Variants in GIMAP1 observed in about 807,000 individuals in gnomAD.
GIMAP1 encodes the protein GTPase IMAP family member 1.
For missense variants in GIMAP1, 423 were observed against 411.9 expected (o/e 1.03, Z -0.23); for synonymous variants, 230 against 187.7 (o/e 1.23, Z -1.84).
chr7:150,720,478 C>T lies in GIMAP1; in HGVS notation c.474C>T (p.Ala158=), dbSNP rs1585221722. 1 of 1,572,780 alleles carries T rather than the reference C, an allele frequency of 6.4e-7. No homozygotes were observed. The highest frequency in any genetic ancestry group is 8.6e-7 in the Non-Finnish European group (1 of 1,158,676). ...VIVFTRKEDL[A]GGSLHDYVSN... ...TCTTCACCAGGAAGGAGGACCTGGC[C>T]GGGGGCTCCCTGCACGATTACGTGA... Residue 158 remains alanine, a synonymous_variant, in exon 3 of 3, where the codon GCC becomes GCT. Coordinates refer to ENST00000307194, the MANE Select transcript of GIMAP1 (RefSeq NM_130759.4). The surrounding 1 kb of genome is among the most constrained non-coding windows in gnomAD (Gnocchi z 4.5).
intron 1 of GIMAP1, among the ~76,000 whole-genome samples, chr7:150,718,576 T>C (rs1322164848): frequency 6.6e-6 from 1 of 152,188 alleles, no homozygotes; most frequent in East Asian, 1.9e-4. Context: ...TATCTCTAGC[T>C]TATGTCAGTG....
In GIMAP1 at chr7:150,722,929, G is replaced by A. The variant is rs1414267322; in HGVS notation, c.*2004G>A. Reference sequence around the variant, plus strand: ...CACTGGTGAGTGTGTTTTATGGAGAGACTCTTTCACCTCTTCCCTTTCAGC... The same window carrying A: ...CACTGGTGAGTGTGTTTTATGGAGAAACTCTTTCACCTCTTCCCTTTCAGC... On this transcript the variant is annotated 3_prime_UTR_variant, in exon 3 of 3. Transcript: ENST00000307194. The A allele has an allele frequency of 6.6e-6, 1 of 152,230 alleles. No homozygotes were observed. Among genetic ancestry groups the A allele is most frequent in the Non-Finnish European group, 1.5e-5 (1 of 68,050 alleles). 9.4% of individuals were successfully genotyped at this position (152,230 alleles called of 1,614,324 possible). A position where few individuals can be genotyped will look rare whatever the true frequency, so the allele number is the denominator to read the frequency against.
chr7:150,719,158 G>A (rs375376111), intron 2 of GIMAP1, 68 bp downstream of exon 2: 4 of 1,603,158 alleles, frequency 2.5e-6, no homozygotes, highest in African/African-American at 1.3e-5. Flanking sequence ...AAGGAGAATG[G>A]GGCTTCCTCA....
At chr7:150,718,126 A>G (rs1381694335) in intron 1 of GIMAP1, among the ~76,000 whole-genome samples, 1 of 152,188 alleles carries the variant, frequency 6.6e-6, no homozygotes, top group African/African-American at 2.4e-5. Flanking sequence ...CTGATTGTGA[A>G]GTAGCTGACC....
chr7:150,718,635 A>G (rs1018351517), intron 1 of GIMAP1, among the ~76,000 whole-genome samples: 2 of 152,204 alleles, frequency 1.3e-5, no homozygotes, highest in African/African-American at 2.4e-5. Flanking sequence ...ATTGGCATTG[A>G]GTAAATGTTA....
rs1797324519 is a variant in GIMAP1 at position 150,722,636 on chromosome 7, C to T, written c.*1711C>T. On this transcript the variant is annotated 3_prime_UTR_variant, in exon 3 of 3. Coordinates refer to ENST00000307194, the MANE Select transcript of GIMAP1 (RefSeq NM_130759.4). The stretch of plus-strand genomic sequence containing the variant: ...AGCCAGTGCTGCTGCTGGTGTTAGA[C>T]AACAACTTTTATCAAAGTGGTTTAA... 1 of 152,288 alleles carries T rather than the reference C, an allele frequency of 6.6e-6. No homozygotes were observed. Among genetic ancestry groups the T allele is most frequent in the East Asian group, 1.9e-4 (1 of 5,200 alleles). The allele number at this position is 152,288 out of a possible 1,614,324, so 9.4% of individuals were successfully genotyped here. A position where few individuals can be genotyped will look rare whatever the true frequency, so the allele number is the denominator to read the frequency against.
At position 150,720,728 on chromosome 7, in the gene GIMAP1, C is replaced by T. The variant is rs1797288377; in HGVS notation, c.724C>T (p.Arg242Trp). The change falls in exon 3 of 3, where the codon CGG becomes TGG. Residue 242 changes from arginine to tryptophan, a missense_variant. Physicochemically the swap from Arg to Trp is moderately radical, Grantham distance 101. Transcript: ENST00000307194. The surrounding 1 kb of genome is among the most constrained non-coding windows in gnomAD (Gnocchi z 4.5). Reference sequence around the variant, plus strand: ...GGCAGGCCCTGAGGAGCGGCTCCGGCGGGTGGCGGAGCGCGTGGCAGCCAG... The same window carrying T: ...GGCAGGCCCTGAGGAGCGGCTCCGGTGGGTGGCGGAGCGCGTGGCAGCCAG... ...RWAGPEERLR[R>W]VAERVAARVQ... is the part of the protein sequence containing the mutation. The T allele has an allele frequency of 3.2e-6, 5 of 1,569,440 alleles. No homozygotes were observed. Among genetic ancestry groups the T allele is most frequent in the Middle Eastern group, 1.9e-4 (1 of 5,324 alleles).
In GIMAP1 at chr7:150,723,691, G is replaced by A. The variant is rs1797340267; in HGVS notation, c.*2766G>A. ...AAATCAATTTTATACTTAAATTACA[G>A]CATAAAACAGCACTGCCTCCTGTTG... is the stretch of plus-strand genomic sequence containing the variant. On this transcript the variant is annotated 3_prime_UTR_variant, in exon 3 of 3. Transcript: ENST00000307194. The A allele has an allele frequency of 1.3e-5, 2 of 152,120 alleles. No individual in the cohort carries two copies. 9.4% of individuals were successfully genotyped at this position (152,120 alleles called of 1,614,324 possible).
At chr7:150,719,217 C>G (rs982908648) in intron 2 of GIMAP1, 127 bp downstream of exon 2, 2 of 1,191,374 alleles carry the variant, frequency 1.7e-6, no homozygotes, top group African/African-American at 1.5e-5. Context: ...TGGGATGAAA[C>G]AGCACCAGCC....
Position 150,720,727 on chromosome 7 carries a change from G to A in GIMAP1, c.723G>A (p.Arg241=), listed in dbSNP as rs772010477. 9.6e-6 allele frequency: 15 copies of A among 1,569,762 alleles called. No individual in the cohort carries two copies. The South Asian group carries it at 1.7e-4, about 18-fold the overall frequency. Residue 241 remains arginine (R), a synonymous_variant, in exon 3 of 3, where the codon CGG becomes CGA. Coordinates refer to ENST00000307194, the MANE Select transcript of GIMAP1 (RefSeq NM_130759.4). This position sits in a 1 kb window ranked among gnomAD's most constrained non-coding sequence, Gnocchi z 4.5. ...LRWAGPEERL[R]RVAERVAARV... ...GGGCAGGCCCTGAGGAGCGGCTCCG[G>A]CGGGTGGCGGAGCGCGTGGCAGCCA...
intron 1 of GIMAP1, among the ~76,000 whole-genome samples, chr7:150,718,834 C>T (rs141355845): frequency 6.6e-6 from 1 of 152,280 alleles, no homozygotes; most frequent in Admixed American, 6.5e-5. Context: ...CGAAATTTAC[C>T]TGTCTTCTCT....
At position 150,721,923 on chromosome 7, in the gene GIMAP1, T is replaced by G. The variant is rs1361991726; in HGVS notation, c.*998T>G. 6.7e-6 allele frequency: 1 copy of G among 148,822 alleles called. No homozygotes were observed. The highest frequency in any genetic ancestry group is 1.5e-5 in the Non-Finnish European group (1 of 68,064). 9.2% of individuals were successfully genotyped at this position (148,822 alleles called of 1,614,324 possible). ...CACACACACACACACACACACAGTC[T>G]GTATCTCGAGCTCCTCTCTGGTTAT... On this transcript the variant is annotated 3_prime_UTR_variant, in exon 3 of 3. Transcript: ENST00000307194.
intron 1 of GIMAP1, among the ~76,000 whole-genome samples, chr7:150,717,523 C>T (rs889966522): frequency 7.9e-5 from 12 of 151,974 alleles, no homozygotes; most frequent in African/African-American, 2.9e-4. Context: ...GATTAAGGGC[C>T]ATTTGTCACC....
chr7:150,718,060 A>AG (rs36044832), intron 1 of GIMAP1, among the ~76,000 whole-genome samples: 11,740 of 152,178 alleles, frequency 0.077, 629 homozygotes, highest in East Asian at 0.19. Flanking sequence ...ATGGTCGGGG[A>AG]GGATCAATAG....
chr7:150,717,501 A>G (rs1797234414), intron 1 of GIMAP1, among the ~76,000 whole-genome samples: 2 of 152,160 alleles, frequency 1.3e-5, no homozygotes. Flanking sequence ...CTATAAGTGT[A>G]CATTCCTCAA....
chr7:150,720,430 C>T lies in GIMAP1; in HGVS notation c.426C>T (p.Asp142=), dbSNP rs1462319111. The T allele has an allele frequency of 1.3e-6, 2 of 1,575,168 alleles. No individual in the cohort carries two copies. Among genetic ancestry groups the T allele is most frequent in the Admixed American group, 1.8e-5 (1 of 56,840 alleles). ...VRQVRDMFGE[D]VLKWMVIVFT... ...AGGTGAGGGACATGTTCGGGGAGGA[C>T]GTCCTAAAATGGATGGTCATCGTCT... The change falls in exon 3 of 3, where the codon GAC becomes GAT. Residue 142 remains aspartate (D), a synonymous_variant. Coordinates refer to ENST00000307194, the MANE Select transcript of GIMAP1 (RefSeq NM_130759.4). This position sits in a 1 kb window ranked among gnomAD's most constrained non-coding sequence, Gnocchi z 4.5.
At chr7:150,718,991 A>G in intron 1 of GIMAP1, 51 bp from the exon 2 acceptor site, 3 of 1,609,392 alleles carry the variant, frequency 1.9e-6, no homozygotes, top group Non-Finnish European at 2.5e-6. Flanking sequence ...GGTTATGCCT[A>G]TTTGAGGAAT....
Position 150,720,322 on chromosome 7 carries a change from G to T in GIMAP1, c.318G>T (p.Leu106=). 6.2e-7 allele frequency: 1 copy of T among 1,614,108 alleles called. No homozygotes were observed. Among genetic ancestry groups the T allele is most frequent in the Non-Finnish European group, 8.5e-7 (1 of 1,179,980 alleles). ...GTGAGGAGAGAGGTCACTGCTACCT[G>T]CTCTCGGCCCCCGGACCCCACGCGC... is the stretch of plus-strand genomic sequence containing the variant. ...PGCEERGHCY[L]LSAPGPHALL... Residue 106 remains leucine, a synonymous_variant, in exon 3 of 3, where the codon CTG becomes CTT. Coordinates refer to ENST00000307194, the MANE Select transcript of GIMAP1 (RefSeq NM_130759.4). This position sits in a 1 kb window ranked among gnomAD's most constrained non-coding sequence, Gnocchi z 4.5.
intron 1 of GIMAP1, among the ~76,000 whole-genome samples, chr7:150,718,476 A>G (rs1797247961): frequency 6.6e-6 from 1 of 152,172 alleles, no homozygotes; most frequent in South Asian, 2.1e-4. Context: ...TTCCCAGGTC[A>G]GCCACTTGAA....
Sources: gnomAD v4.1 joint callset for allele counts (sites outside exome capture counted in the v4.1 genomes callset) on GRCh38, gnomAD v4.1.1 for gene constraint, Gnocchi (gnomAD v3.1) non-coding constraint, MANE v1.5 for transcripts, NCBI Gene and HGNC (gene_info 2026-07-23, HGNC 2026-07-21) for gene names.